Variants in GRID1 observed in about 807,000 individuals in gnomAD.
GRID1 encodes the protein glutamate receptor ionotropic, delta-1.
In GRID1, 28 loss-of-function variants were observed where a neutral mutation model predicts 98.0. The observed-to-expected ratio is 0.29, with a 90% CI of 0.21 to 0.39. The LOEUF (loss-of-function observed/expected upper bound fraction) is 0.39, where lower values mean the gene tolerates loss of function less well. Ranked by LOEUF, GRID1 falls within the 10% of genes least tolerant of loss-of-function variation. The pLI is 1.00. For synonymous variants in GRID1, 553 were observed against 538.5 expected (o/e 1.03, Z -0.37); for missense variants, 1,111 against 1,340.5 (o/e 0.83, Z 2.67).
chr10:86,280,732 T>A (rs141822937), intron 2 of GRID1, among the ~76,000 whole-genome samples: 236 of 152,314 alleles, frequency 1.5e-3, no homozygotes, highest in South Asian at 8.1e-3. Context: ...TAACCTCCTT[T>A]CACTGACCCT....
At chr10:86,156,228 G>C (rs925110136) in intron 3 of GRID1, among the ~76,000 whole-genome samples, 2 of 152,178 alleles carry the variant, frequency 1.3e-5, no homozygotes, top group East Asian at 3.9e-4. Flanking sequence ...TCTGGAAACA[G>C]CTCCCTGCTC....
intron 10 of GRID1, 119 bp from the exon 11 acceptor site, chr10:85,724,795 A>G: frequency 1.4e-6 from 1 of 697,906 alleles, no homozygotes; most frequent in Non-Finnish European, 2.4e-6. Flanking sequence ...TGGATTTGAG[A>G]GCTGGCACCC....
At chr10:86,210,085 C>A (rs1418633926) in intron 2 of GRID1, among the ~76,000 whole-genome samples, 1 of 152,148 alleles carries the variant, frequency 6.6e-6, no homozygotes, top group Non-Finnish European at 1.5e-5. Flanking sequence ...GACTCTGCAA[C>A]TCAACTGGAG....
intron 8 of GRID1, among the ~76,000 whole-genome samples, chr10:85,774,921 T>G (rs1842313923): frequency 6.6e-6 from 1 of 151,482 alleles, no homozygotes; most frequent in Non-Finnish European, 1.5e-5. Flanking sequence ...AGTGTGGCGA[T>G]TCCTCAGGGA....
At chr10:86,214,419 C>T (rs1846147809) in intron 2 of GRID1, among the ~76,000 whole-genome samples, 2 of 152,202 alleles carry the variant, frequency 1.3e-5, no homozygotes, top group Non-Finnish European at 2.9e-5. Flanking sequence ...TCCACACCGT[C>T]CCCAGTCTTC....
At chr10:86,110,288 C>T (rs112089655) in intron 4 of GRID1, among the ~76,000 whole-genome samples, 8 of 152,282 alleles carry the variant, frequency 5.3e-5, no homozygotes, top group African/African-American at 1.9e-4. Context: ...ATTCTTTATT[C>T]ACCCCCTGGG....
intron 14 of GRID1, among the ~76,000 whole-genome samples, chr10:85,615,024 A>G (rs1328792105): frequency 1.3e-5 from 2 of 152,162 alleles, no homozygotes; most frequent in African/African-American, 4.8e-5. Context: ...TTAGAGAGCA[A>G]CAGTTGTTTA....
chr10:85,818,189 A>G (rs1842732842), intron 8 of GRID1, among the ~76,000 whole-genome samples: 1 of 152,234 alleles, frequency 6.6e-6, no homozygotes, highest in African/African-American at 2.4e-5. Context: ...AGTAACAAAT[A>G]AGTAAAAAGA....
intron 4 of GRID1, among the ~76,000 whole-genome samples, chr10:86,066,381 T>A (rs1425348222): frequency 1.3e-5 from 2 of 152,130 alleles, no homozygotes; most frequent in East Asian, 3.9e-4. Flanking sequence ...CTAATATGTG[T>A]CTAGAATTTT....
At position 85,916,357 on chromosome 10, in the gene GRID1, A is replaced by G. The variant is rs566752776; in HGVS notation, c.727-118T>C. The G allele has an allele frequency of 6.2e-5, 51 of 827,996 alleles. No homozygotes were observed. Among genetic ancestry groups the G allele is most frequent in the Non-Finnish European group, 2.0e-6 (1 of 496,196 alleles). The allele number at this position is 827,996 out of a possible 1,614,324, so 51.3% of individuals were successfully genotyped here. A position where few individuals can be genotyped will look rare whatever the true frequency, so the allele number is the denominator to read the frequency against. On this transcript the variant is annotated intron_variant, in intron 4 of 15. Coordinates refer to ENST00000327946, the MANE Select transcript of GRID1 (RefSeq NM_017551.3). The surrounding 1 kb of genome is among the most constrained non-coding windows in gnomAD (Gnocchi z 4.0). ...TCTTGGAGAATATTTTCCTCACAAA[A>G]CATGCCATCCCCCTGGGGCCTGCTC...
chr10:86,131,286 C>A (rs751058338), intron 4 of GRID1, among the ~76,000 whole-genome samples: 5 of 152,142 alleles, frequency 3.3e-5, no homozygotes, highest in African/African-American at 7.2e-5. Flanking sequence ...CGAGGCCCCC[C>A]CAAGGCTGAA....
At chr10:85,927,016 A>G (rs1383649989) in intron 4 of GRID1, among the ~76,000 whole-genome samples, 2 of 152,160 alleles carry the variant, frequency 1.3e-5, no homozygotes, top group Non-Finnish European at 2.9e-5. Flanking sequence ...CCCTGAGTGT[A>G]TTAACTAAAT....
intron 12 of GRID1, among the ~76,000 whole-genome samples, chr10:85,665,938 G>A (rs1841015100): frequency 6.6e-6 from 1 of 152,132 alleles, no homozygotes; most frequent in African/African-American, 2.4e-5. Flanking sequence ...TTCCACCAAG[G>A]CGAGGGTGGA....
At chr10:85,724,187 T>A (rs980713244) in intron 11 of GRID1, among the ~76,000 whole-genome samples, 165 bp downstream of exon 11, 2 of 152,206 alleles carry the variant, frequency 1.3e-5, no homozygotes, top group African/African-American at 4.8e-5. Context: ...TTCTCTCTGA[T>A]ATTATTCAGA....
At chr10:86,203,375 C>T (rs1032446486) in intron 3 of GRID1, among the ~76,000 whole-genome samples, 14 of 151,842 alleles carry the variant, frequency 9.2e-5, no homozygotes, top group African/African-American at 2.2e-4. Context: ...CCAGCCATGC[C>T]GAGGGAGCAG....
At chr10:86,169,630 C>A (rs1480008392) in intron 3 of GRID1, among the ~76,000 whole-genome samples, 1 of 152,188 alleles carries the variant, frequency 6.6e-6, no homozygotes, top group Admixed American at 6.5e-5. Flanking sequence ...GTCAGAAGAG[C>A]ACAAAATTCC....
chr10:85,883,530 GTCTCTC>G, intron 5 of GRID1, among the ~76,000 whole-genome samples: 1 of 119,430 alleles, frequency 8.4e-6, no homozygotes, highest in Non-Finnish European at 2.0e-5. Flanking sequence ...CTCTCTCTCT[GTCTCTC>G]TCTCTCTCTC....
At chr10:86,168,891 A>G (rs1046258731) in intron 3 of GRID1, among the ~76,000 whole-genome samples, 16 of 152,204 alleles carry the variant, frequency 1.1e-4, no homozygotes, top group African/African-American at 3.9e-4. Context: ...CTCCCTGGGC[A>G]CAGAGTATGA....
chr10:85,985,074 T>A (rs1842592837), intron 4 of GRID1, among the ~76,000 whole-genome samples: 4 of 152,062 alleles, frequency 2.6e-5, no homozygotes. Context: ...GCCAGTAGCA[T>A]CCCAACCCCC....
Sources: gnomAD v4.1 joint callset for allele counts (sites outside exome capture counted in the v4.1 genomes callset) on GRCh38, gnomAD v4.1.1 for gene constraint, Gnocchi (gnomAD v3.1) non-coding constraint, MANE v1.5 for transcripts, NCBI Gene and HGNC (gene_info 2026-07-23, HGNC 2026-07-21) for gene names.